The following DZIP3 variants were observed in gnomAD, a reference collection of about 807,000 sequenced individuals.
DZIP3 encodes DAZ interacting zinc finger protein 3.
DZIP3 carries 118 observed loss-of-function variants against 162.0 expected under a neutral mutation model. The ratio of observed to expected loss-of-function variants is 0.73; its 90% CI spans 0.63 to 0.85. The LOEUF (loss-of-function observed/expected upper bound fraction) is 0.85, where lower values mean the gene tolerates loss of function less well. Ranked by LOEUF, DZIP3 falls within the 40% of genes least tolerant of loss-of-function variation. DZIP3 has a pLI of 0.00. For synonymous variants in DZIP3, 438 were observed against 458.6 expected, an observed-to-expected ratio of 0.96 and a Z score of 0.57; for missense variants, 1,331 against 1,407.0, an observed-to-expected ratio of 0.95 and a Z score of 0.86.
intron 9 of DZIP3, among the ~76,000 whole-genome samples, chr3:108,633,955 C>T (rs1244828709): frequency 6.6e-6 from 1 of 151,504 alleles, no homozygotes; most frequent in Non-Finnish European, 1.5e-5. Flanking sequence ...ATCTCTCTCT[C>T]TGGATCTATC....
intron 14 of DZIP3, among the ~76,000 whole-genome samples, chr3:108,645,930 T>C (rs1298788954): frequency 1.3e-5 from 2 of 152,198 alleles, no homozygotes; most frequent in African/African-American, 4.8e-5. Context: ...GAATAGAGTA[T>C]TTGAGAAAGA....
intron 18 of DZIP3, among the ~76,000 whole-genome samples, chr3:108,652,236 A>T (rs1282859572): frequency 6.6e-6 from 1 of 151,832 alleles, no homozygotes; most frequent in East Asian, 1.9e-4. Flanking sequence ...AGAGAATAGT[A>T]TATATACAAT....
intron 5 of DZIP3, among the ~76,000 whole-genome samples, chr3:108,618,105 C>T (rs1941113459): frequency 1.3e-5 from 2 of 152,104 alleles, no homozygotes; most frequent in African/African-American, 2.4e-5. Flanking sequence ...GGTGCAGTTG[C>T]GAATAGCATC....
In DZIP3 at chr3:108,605,326, T is replaced by C; in HGVS notation, c.-72-9T>C. ...TCCTATCTTCATAAAAATATTATTT[T>C]CCTTACAGCATTAAAGGGCAGTATT... On this transcript the variant is annotated splice_polypyrimidine_tract_variant and intron_variant, in intron 1 of 32. Coordinates refer to ENST00000361582, the MANE Select transcript of DZIP3 (RefSeq NM_014648.4). 2 of 1,544,366 alleles carry C rather than the reference T, an allele frequency of 1.3e-6. No homozygotes were observed. Among genetic ancestry groups the C allele is most frequent in the Middle Eastern group, 1.7e-4 (1 of 5,904 alleles).
chr3:108,656,483 A>G (rs1032308416), intron 19 of DZIP3, among the ~76,000 whole-genome samples: 6 of 152,162 alleles, frequency 3.9e-5, no homozygotes, highest in Admixed American at 6.6e-5. Flanking sequence ...CCACACCAAA[A>G]CCCCATCTGT....
intron 16 of DZIP3, chr3:108,648,455 A>G (rs1942725867): frequency 5.6e-6 from 1 of 177,172 alleles, no homozygotes; most frequent in South Asian, 1.7e-4. Context: ...AAAGGAAGAG[A>G]AAAGTGGGAT....
At chr3:108,668,686 G>A (rs1576449269) in intron 21 of DZIP3, among the ~76,000 whole-genome samples, 2 of 151,890 alleles carry the variant, frequency 1.3e-5, no homozygotes, top group African/African-American at 2.4e-5. Context: ...TACAGAAAGA[G>A]ACCTGGTTTC....
At chr3:108,674,595 C>CT (rs887792639) in intron 24 of DZIP3, among the ~76,000 whole-genome samples, 1 of 151,800 alleles carries the variant, frequency 6.6e-6, no homozygotes, top group Non-Finnish European at 1.5e-5. Flanking sequence ...AATTGGAAGA[C>CT]TTTTTTTCTA....
upstream of DZIP3, chr3:108,589,614 A>C: frequency 2.7e-6 from 1 of 374,632 alleles, no homozygotes. Flanking sequence ...GCCCCCGCTA[A>C]CCCACCCTCG....
intron 21 of DZIP3, among the ~76,000 whole-genome samples, chr3:108,666,231 G>A (rs2107322730): frequency 6.6e-6 from 1 of 151,996 alleles, no homozygotes; most frequent in South Asian, 2.1e-4. Context: ...TCATGCAGAT[G>A]TTTATTAAAA....
Position 108,598,998 on chromosome 3 carries a change from C to T in DZIP3, c.-72-6337C>T, listed in dbSNP as rs370195908. Among the ~76,000 whole-genome samples, 19 of 152,262 alleles carry T rather than the reference C, an allele frequency of 1.2e-4. 3 individuals are homozygous for T. In the East Asian group the frequency reaches 1.5e-3, roughly 12 times the overall value. On this transcript the variant is annotated intron_variant, in intron 1 of 32. Transcript: ENST00000361582. ...AATTAATATGTATACTATAGGTTTA[C>T]CTGTGTAAGTCCAAAAGTAACTAAT...
intron 4 of DZIP3, among the ~76,000 whole-genome samples, chr3:108,613,570 T>C (rs1299093574): frequency 6.6e-6 from 1 of 152,180 alleles, no homozygotes; most frequent in Non-Finnish European, 1.5e-5. Flanking sequence ...GTGGGATATT[T>C]TAACATACTT....
intron 8 of DZIP3, 69 bp downstream of exon 8, chr3:108,629,245 A>G: frequency 9.8e-7 from 1 of 1,017,744 alleles, no homozygotes; most frequent in Non-Finnish European, 1.4e-6. Flanking sequence ...TCATATTCTT[A>G]CAGCAAGCAT....
At chr3:108,661,226 GA>G (rs1402583483) in intron 19 of DZIP3, among the ~76,000 whole-genome samples, 2 of 152,124 alleles carry the variant, frequency 1.3e-5, no homozygotes, top group African/African-American at 4.8e-5. Flanking sequence ...CAAAGACTTG[GA>G]ACCAACCCAA....
chr3:108,659,525 A>G (rs972228171), intron 19 of DZIP3, among the ~76,000 whole-genome samples: 1 of 152,062 alleles, frequency 6.6e-6, no homozygotes, highest in Non-Finnish European at 1.5e-5. Context: ...ACCCACAGCC[A>G]ATATCATACT....
chr3:108,675,237 AC>A (rs1315051837), intron 24 of DZIP3, among the ~76,000 whole-genome samples: 1 of 152,000 alleles, frequency 6.6e-6, no homozygotes, highest in East Asian at 1.9e-4. Context: ...AGTTGATAAA[AC>A]TATTGTTTGT....
chr3:108,616,785 A>G lies in DZIP3; in HGVS notation c.375+128A>G, dbSNP rs1941042209. Reference sequence around the variant, plus strand: ...TATTTTTTTCTTTTACCTCTAGAAAAGGGTATGTATAAATTGATTGCCTTC... The same window carrying G: ...TATTTTTTTCTTTTACCTCTAGAAAGGGGTATGTATAAATTGATTGCCTTC... On this transcript the variant is annotated intron_variant, in intron 5 of 32. Transcript: ENST00000361582. 15 of 634,798 alleles carry G rather than the reference A, an allele frequency of 2.4e-5. 1 individual carries two copies. The South Asian group carries it at 3.0e-4, about 13-fold the overall frequency. The allele number at this position is 634,798 out of a possible 1,614,324, so 39.3% of individuals were successfully genotyped here. A position where few individuals can be genotyped will look rare whatever the true frequency, so the allele number is the denominator to read the frequency against.
intron 4 of DZIP3, among the ~76,000 whole-genome samples, chr3:108,613,889 C>T (rs1196676864): frequency 1.3e-5 from 2 of 152,064 alleles, no homozygotes; most frequent in Non-Finnish European, 2.9e-5. Flanking sequence ...ATCTAGGTAA[C>T]CAATTGGCCA....
rs9842677 is a variant in DZIP3 at position 108,618,698 on chromosome 3, A to G, written c.375+2041A>G. ...GCCAAATTTATAATCCCAGTCAGTTATCTCCTCAATGAATACTGTTGGTCA... is the reference window on the plus strand; with the variant it reads ...GCCAAATTTATAATCCCAGTCAGTTGTCTCCTCAATGAATACTGTTGGTCA... On this transcript the variant is annotated intron_variant, in intron 5 of 32. Coordinates refer to ENST00000361582, the MANE Select transcript of DZIP3 (RefSeq NM_014648.4). 5.0e-3 allele frequency among the ~76,000 whole-genome samples: 768 copies of G among 152,324 alleles called. 5 individuals are homozygous for G. The highest frequency in any genetic ancestry group is 0.018 in the African/African-American group (742 of 41,580).
Sources: gnomAD v4.1 joint callset for allele counts (sites outside exome capture counted in the v4.1 genomes callset) on GRCh38, gnomAD v4.1.1 for gene constraint, MANE v1.5 for transcripts, NCBI Gene and HGNC (gene_info 2026-07-23, HGNC 2026-07-21) for gene names.